Variants in SHANK2 observed in about 807,000 individuals in gnomAD.
The protein encoded by SHANK2 is SH3 and multiple ankyrin repeat domains 2, also known as SH3 and multiple ankyrin repeat domains protein 2.
Under a neutral mutation model 133.7 loss-of-function variants are expected in SHANK2, and 43 were observed. The ratio of observed to expected loss-of-function variants is 0.32; its 90% CI spans 0.25 to 0.41. SHANK2 has a LOEUF of 0.41. Ranked by LOEUF, SHANK2 falls within the 10% of genes least tolerant of loss-of-function variation. The probability of loss-of-function intolerance (pLI) is 1.00; values close to 1 mark genes in which losing one functional copy is unlikely to be tolerated. For missense variants in SHANK2, 1,994 were observed against 2,235.8 expected, an observed-to-expected ratio of 0.89 and a Z score of 2.18; for synonymous variants, 1,017 against 952.8, an observed-to-expected ratio of 1.07 and a Z score of -1.24.
chr11:71,069,630 C>T (rs1435990190), intron 9 of SHANK2, among the ~76,000 whole-genome samples: 6 of 152,168 alleles, frequency 3.9e-5, no homozygotes, highest in Admixed American at 6.5e-5. Context: ...CCTGTGAATT[C>T]GGTTTAATTA....
At chr11:70,629,854 C>A (rs1288994188) in intron 17 of SHANK2, among the ~76,000 whole-genome samples, 2 of 152,176 alleles carry the variant, frequency 1.3e-5, no homozygotes, top group African/African-American at 4.8e-5. Flanking sequence ...GATCCGGCCC[C>A]CTGACATCCA....
At chr11:70,770,687 T>C (rs927841120) in intron 14 of SHANK2, among the ~76,000 whole-genome samples, 2 of 152,178 alleles carry the variant, frequency 1.3e-5, no homozygotes, top group African/African-American at 2.4e-5. Context: ...TCCACAGTGA[T>C]GATGAAAGTG....
intron 10 of SHANK2, among the ~76,000 whole-genome samples, chr11:70,924,712 C>T (rs1003908221): frequency 6.6e-6 from 1 of 152,166 alleles, no homozygotes; most frequent in Non-Finnish European, 1.5e-5. Context: ...CCGCCTTGAC[C>T]CCCCAAAGTG....
chr11:70,860,170 C>T (rs1337215937), intron 11 of SHANK2, among the ~76,000 whole-genome samples: 1 of 152,166 alleles, frequency 6.6e-6, no homozygotes, highest in African/African-American at 2.4e-5. Flanking sequence ...TGAACACAGC[C>T]CACCTGATCC....
chr11:71,219,177 T>A (rs569961997), intron 2 of SHANK2, among the ~76,000 whole-genome samples: 2 of 152,318 alleles, frequency 1.3e-5, no homozygotes, highest in South Asian at 4.1e-4. Context: ...CTGAGATCAT[T>A]TAGAACAAGG....
At chr11:71,059,895 C>T (rs1950967376) in intron 9 of SHANK2, among the ~76,000 whole-genome samples, 1 of 152,154 alleles carries the variant, frequency 6.6e-6, no homozygotes, top group South Asian at 2.1e-4. Context: ...CCCACTGAGG[C>T]CGCCTCTGTA....
intron 10 of SHANK2, chr11:70,948,335 G>A: frequency 2.2e-6 from 1 of 457,282 alleles, no homozygotes; most frequent in South Asian, 1.5e-5. Context: ...GTGTGGTGTG[G>A]CTCACTGATG....
intron 17 of SHANK2, among the ~76,000 whole-genome samples, chr11:70,607,477 C>A (rs780043047): frequency 9.8e-5 from 15 of 152,350 alleles, no homozygotes; most frequent in Non-Finnish European, 1.9e-4. Flanking sequence ...CACCCCACTC[C>A]CTGCCCTCAG....
intron 1 of SHANK2, among the ~76,000 whole-genome samples, chr11:71,248,652 C>T (rs1264890683): frequency 1.3e-5 from 2 of 152,190 alleles, no homozygotes; most frequent in South Asian, 2.1e-4. Flanking sequence ...TCACTACCTG[C>T]GCTGCAGCTC....
rs149409498 is a variant in SHANK2, at chr11:71,173,984, T to C, written c.-12-26646A>G. ...CTTCTGACCTCCAGAACTGTGGGAGTAAGTTTCTGTTGCTGTGAGCCACTA... is the reference window on the plus strand; with the variant it reads ...CTTCTGACCTCCAGAACTGTGGGAGCAAGTTTCTGTTGCTGTGAGCCACTA... On this transcript the variant is annotated intron_variant, in intron 2 of 25. Coordinates refer to ENST00000601538, the MANE Select transcript of SHANK2 (RefSeq NM_012309.5). Among the ~76,000 whole-genome samples, 8 of 152,212 alleles carry C rather than the reference T, an allele frequency of 5.3e-5. No individual in the cohort carries two copies. In the East Asian group the frequency reaches 1.5e-3, roughly 29 times the overall value.
At chr11:71,093,575 C>T (rs1951555474) in intron 7 of SHANK2, among the ~76,000 whole-genome samples, 1 of 152,078 alleles carries the variant, frequency 6.6e-6, no homozygotes, top group Non-Finnish European at 1.5e-5. Context: ...GGCATCTCCT[C>T]CCTCTCTGTC....
chr11:70,574,809 A>T (rs1313739523), intron 17 of SHANK2, among the ~76,000 whole-genome samples: 1 of 152,194 alleles, frequency 6.6e-6, no homozygotes, highest in Non-Finnish European at 1.5e-5. Context: ...CACCCAGGAC[A>T]TGGAAGCCCC....
At chr11:70,814,359 G>A (rs1398481877) in intron 12 of SHANK2, among the ~76,000 whole-genome samples, 1 of 150,860 alleles carries the variant, frequency 6.6e-6, no homozygotes, top group Non-Finnish European at 1.5e-5. Context: ...GCCACCGGGA[G>A]AGCTCCCAAT....
At chr11:70,642,096 CCT>C (rs2061191635) in intron 17 of SHANK2, among the ~76,000 whole-genome samples, 1 of 152,180 alleles carries the variant, frequency 6.6e-6, no homozygotes, top group Admixed American at 6.5e-5. Context: ...CTGGCATTCC[CCT>C]GAGGGAGGCC....
chr11:71,084,611 C>T (rs933692829), intron 8 of SHANK2, among the ~76,000 whole-genome samples: 56 of 152,184 alleles, frequency 3.7e-4, no homozygotes, highest in African/African-American at 1.3e-3. Context: ...CCTGAGAGCT[C>T]GGAGGTGCTT....
chr11:70,478,235 C>T (rs1555150613), intron 25 of SHANK2, among the ~76,000 whole-genome samples: 2 of 152,004 alleles, frequency 1.3e-5, no homozygotes, highest in Non-Finnish European at 2.9e-5. Context: ...CAGCCTCAAC[C>T]TCCTCAAGTG....
intron 14 of SHANK2, among the ~76,000 whole-genome samples, chr11:70,745,934 G>A (rs1339530154): frequency 6.6e-6 from 1 of 152,212 alleles, no homozygotes; most frequent in Non-Finnish European, 1.5e-5. Context: ...AAAGGCCTCG[G>A]ATGTGAAACC....
At chr11:70,681,914 C>T (rs533513719) in intron 15 of SHANK2, among the ~76,000 whole-genome samples, 240 of 152,208 alleles carry the variant, frequency 1.6e-3, no homozygotes, top group African/African-American at 4.9e-3. Context: ...CGGACATCAC[C>T]GGGCTTTATA....
At chr11:70,676,831 G>A (rs1162806543) in intron 15 of SHANK2, among the ~76,000 whole-genome samples, 1 of 152,096 alleles carries the variant, frequency 6.6e-6, no homozygotes, top group Non-Finnish European at 1.5e-5. Flanking sequence ...GAGCCCCAGT[G>A]ACACAGATGG....
Sources: allele counts gnomAD v4.1 joint callset (sites outside exome capture counted in the v4.1 genomes callset), GRCh38; gene constraint gnomAD v4.1.1; transcripts MANE v1.5; gene names NCBI Gene and HGNC (gene_info 2026-07-23, HGNC 2026-07-21).